INSYN2B: variants seen among roughly 807,000 people sequenced by gnomAD.
The protein encoded by INSYN2B is inhibitory synaptic factor family member 2B.
Under a neutral mutation model 41.2 loss-of-function variants are expected in INSYN2B, and 16 were observed. The ratio of observed to expected loss-of-function variants is 0.39; its 90% confidence interval spans 0.26 to 0.59. The LOEUF is 0.59. INSYN2B is among the 20% of genes least tolerant of loss of function. INSYN2B has a pLI of 0.57. For synonymous variants in INSYN2B, 245 were observed against 244.4 expected (o/e 1.00, Z -0.02); for missense variants, 608 against 646.4 (o/e 0.94, Z 0.64).
chr5:169,882,928 C>A lies in INSYN2B; in HGVS notation c.971G>T (p.Gly324Val). The A allele has an allele frequency of 6.4e-7, 1 of 1,551,902 alleles. No homozygotes were observed. Residue 324 changes from glycine to valine, a missense_variant, in exon 2 of 4, where the codon GGA becomes GTA. Physicochemically the swap from Gly to Val is moderately radical, Grantham distance 109. Coordinates refer to ENST00000377365, the MANE Select transcript of INSYN2B (RefSeq NM_001129891.3). ...TGATGAAGGACAGTCTGAGGCTCTTCCTGGGTGGGCTGGCTGGCTGTGGGA... is the reference window on the plus strand; with the variant it reads ...TGATGAAGGACAGTCTGAGGCTCTTACTGGGTGGGCTGGCTGGCTGTGGGA... ...QGSHSQPAHPGRASDCPSSSN... is the reference protein window; with the variant it reads ...QGSHSQPAHPVRASDCPSSSN...
chr5:169,904,504 G>C (rs1441889915), intron 1 of INSYN2B, among the ~76,000 whole-genome samples: 1 of 152,124 alleles, frequency 6.6e-6, no homozygotes, highest in Non-Finnish European at 1.5e-5. Flanking sequence ...ACAGGCAGGG[G>C]AGGGCCTGAG....
Position 169,883,294 on chromosome 5 carries a change from A to G in INSYN2B, c.605T>C (p.Ile202Thr). 3.2e-6 allele frequency: 5 copies of G among 1,551,602 alleles called. No individual in the cohort carries two copies. Among genetic ancestry groups the G allele is most frequent in the Non-Finnish European group, 4.4e-6 (5 of 1,146,918 alleles). The stretch of plus-strand genomic sequence containing the variant: ...GTGATAAATATCATCTGGAACCTGA[A>G]TGGCAGCTGTGGCTTTCTCTAAGGA... Reference protein sequence around the residue: ...WRSLEKATAAIQVPDDIYHSP... With the variant: ...WRSLEKATAATQVPDDIYHSP... Residue 202 changes from isoleucine (I) to threonine (T), a missense_variant, in exon 2 of 4, where the codon ATT (isoleucine) becomes ACT (threonine). Ile to Thr is a moderately conservative substitution (Grantham distance 89). Coordinates refer to ENST00000377365, the MANE Select transcript of INSYN2B (RefSeq NM_001129891.3).
intron 3 of INSYN2B, among the ~76,000 whole-genome samples, chr5:169,864,842 C>A (rs1226777022): frequency 6.6e-6 from 1 of 152,200 alleles, no homozygotes; most frequent in Non-Finnish European, 1.5e-5. Context: ...AGAAAACTGA[C>A]AGCTCAGTTT....
At chr5:169,916,663 T>C (rs1242531538) in intron 1 of INSYN2B, among the ~76,000 whole-genome samples, 2 of 125,040 alleles carry the variant, frequency 1.6e-5, no homozygotes, top group African/African-American at 3.2e-5. Context: ...AGGTTAGGGA[T>C]TGGTAACTTT....
intron 1 of INSYN2B, among the ~76,000 whole-genome samples, chr5:169,901,296 C>T (rs1159033014): frequency 6.6e-6 from 1 of 152,116 alleles, no homozygotes; most frequent in Non-Finnish European, 1.5e-5. Flanking sequence ...GGATGGAATC[C>T]AGAGAGCAGG....
At chr5:169,885,737 A>G (rs1772933700) in intron 1 of INSYN2B, among the ~76,000 whole-genome samples, 1 of 152,254 alleles carries the variant, frequency 6.6e-6, no homozygotes, top group Admixed American at 6.5e-5. Context: ...TTCATTAATC[A>G]CAAACTACTC....
chr5:169,900,015 G>A (rs962720841), intron 1 of INSYN2B, among the ~76,000 whole-genome samples: 10 of 152,238 alleles, frequency 6.6e-5, no homozygotes, highest in East Asian at 1.9e-4. Flanking sequence ...TCCAGCACTC[G>A]AAACCACAAG....
At chr5:169,936,762 C>G (rs1776020574) in intron 1 of INSYN2B, among the ~76,000 whole-genome samples, 1 of 152,014 alleles carries the variant, frequency 6.6e-6, no homozygotes. Context: ...TGAATAATCT[C>G]TGATCAGAGG....
chr5:169,961,127 T>G (rs1360664319), intron 1 of INSYN2B, among the ~76,000 whole-genome samples: 1 of 152,214 alleles, frequency 6.6e-6, no homozygotes, highest in African/African-American at 2.4e-5. Context: ...TGCAATTTCA[T>G]GCATGTAGGG....
At chr5:169,947,044 G>C (rs1409668735) in intron 1 of INSYN2B, among the ~76,000 whole-genome samples, 1 of 152,218 alleles carries the variant, frequency 6.6e-6, no homozygotes, top group African/African-American at 2.4e-5. Flanking sequence ...AATGTATCTG[G>C]AACTGTTCTC....
chr5:169,881,388 G>A lies in INSYN2B; in HGVS notation c.1401C>T (p.Asn467=), dbSNP rs1162568507. ...GGTACCTGTATATGATGCACGCCGT[G>A]TTCTGGCAGGTACTGCAATTGTTGA... ...QDLNNCSTCQ[N]TACIIYSVEY... is the part of the protein sequence containing the mutation. Residue 467 remains asparagine, a synonymous_variant, in exon 3 of 4, where the codon AAC becomes AAT. Transcript: ENST00000377365. 1.9e-6 allele frequency: 3 copies of A among 1,551,514 alleles called. No homozygotes were observed. In the South Asian group the frequency reaches 3.6e-5, roughly 18 times the overall value.
chr5:169,958,887 C>G (rs535763008), intron 1 of INSYN2B, among the ~76,000 whole-genome samples: 1 of 152,094 alleles, frequency 6.6e-6, no homozygotes. Context: ...AAACCTAGTA[C>G]GCTTTGTGTC....
chr5:169,877,381 A>G (rs1049103125), intron 3 of INSYN2B, among the ~76,000 whole-genome samples: 6 of 152,208 alleles, frequency 3.9e-5, no homozygotes, highest in African/African-American at 7.2e-5. Flanking sequence ...CAAGTGACAA[A>G]TGATGAGAGC....
chr5:169,945,070 C>T (rs898709412), intron 1 of INSYN2B, among the ~76,000 whole-genome samples: 1 of 152,224 alleles, frequency 6.6e-6, no homozygotes, highest in Non-Finnish European at 1.5e-5. Flanking sequence ...AGAGCATTCA[C>T]AGGGACCCTC....
chr5:169,929,377 G>T (rs148518768), intron 1 of INSYN2B, among the ~76,000 whole-genome samples: 1 of 151,940 alleles, frequency 6.6e-6, no homozygotes, highest in South Asian at 2.1e-4. Flanking sequence ...TCCACAAAGC[G>T]AATCCCGGCA....
chr5:169,968,100 G>A (rs1777369244), intron 1 of INSYN2B, among the ~76,000 whole-genome samples: 1 of 152,172 alleles, frequency 6.6e-6, no homozygotes, highest in Non-Finnish European at 1.5e-5. Flanking sequence ...AACCTTCCTG[G>A]AATTCTCTTT....
chr5:169,879,879 A>T (rs1467699786), intron 3 of INSYN2B, among the ~76,000 whole-genome samples: 1 of 152,218 alleles, frequency 6.6e-6, no homozygotes, highest in Non-Finnish European at 1.5e-5. Context: ...GGCCAAATAT[A>T]AAATCATTTT....
At chr5:169,896,398 T>G (rs1479121236) in intron 1 of INSYN2B, among the ~76,000 whole-genome samples, 21 of 152,214 alleles carry the variant, frequency 1.4e-4, no homozygotes. Context: ...TAGATTTCAA[T>G]GCTGGCTCTG....
intron 3 of INSYN2B, among the ~76,000 whole-genome samples, chr5:169,874,070 CTCTG>C (rs910334573): frequency 2.0e-4 from 30 of 152,080 alleles, no homozygotes; most frequent in African/African-American, 6.5e-4. Flanking sequence ...ATAAGTTCTT[CTCTG>C]TCTGGTCCAG....
Sources: allele counts gnomAD v4.1 joint callset (sites outside exome capture counted in the v4.1 genomes callset), GRCh38; gene constraint gnomAD v4.1.1; transcripts MANE v1.5; gene names NCBI Gene and HGNC (gene_info 2026-07-23, HGNC 2026-07-21).